The following GPR158 variants were observed in gnomAD, a reference collection of about 807,000 sequenced individuals.
GPR158 encodes metabotropic glycine receptor.
Under a neutral mutation model 78.2 loss-of-function variants are expected in GPR158, and 30 were observed. The ratio of observed to expected loss-of-function variants is 0.38; its 90% CI spans 0.29 to 0.52. The LOEUF (loss-of-function observed/expected upper bound fraction) is 0.52, where lower values mean the gene tolerates loss of function less well. GPR158 is among the 20% of genes least tolerant of loss of function. GPR158 has a pLI of 0.83. For missense variants in GPR158, 1,463 were observed against 1,523.5 expected (o/e 0.96, Z 0.66); for synonymous variants, 581 against 591.1 (o/e 0.98, Z 0.25).
chr10:25,367,508 A>G (rs1855740944), intron 2 of GPR158, among the ~76,000 whole-genome samples: 1 of 151,796 alleles, frequency 6.6e-6, no homozygotes, highest in African/African-American at 2.4e-5. Context: ...TCTATACAAA[A>G]TTTGGGCTTA....
intron 2 of GPR158, among the ~76,000 whole-genome samples, chr10:25,249,462 T>G (rs1483632528): frequency 6.6e-6 from 1 of 151,932 alleles, no homozygotes; most frequent in Non-Finnish European, 1.5e-5. Context: ...CATAGATAGC[T>G]CTTATTATTT....
intron 2 of GPR158, among the ~76,000 whole-genome samples, chr10:25,282,658 T>A (rs1854293216): frequency 6.6e-6 from 1 of 152,106 alleles, no homozygotes; most frequent in African/African-American, 2.4e-5. Flanking sequence ...TAAAATAATG[T>A]TAGTCCGTCT....
intron 1 of GPR158, among the ~76,000 whole-genome samples, chr10:25,189,337 G>A (rs113236968): frequency 0.029 from 4,466 of 152,198 alleles, 223 homozygotes; most frequent in African/African-American, 0.1. Context: ...ATGCACACTT[G>A]TATTTATTGC....
At chr10:25,555,412 CA>C (rs1256358850) in intron 6 of GPR158, among the ~76,000 whole-genome samples, 1 of 152,066 alleles carries the variant, frequency 6.6e-6, no homozygotes, top group Non-Finnish European at 1.5e-5. Context: ...TGTTTATTTA[CA>C]AAAAGGAACT....
chr10:25,433,580 CGTGCGCGT>C (rs1359907320), intron 4 of GPR158, among the ~76,000 whole-genome samples: 13 of 133,774 alleles, frequency 9.7e-5, no homozygotes, highest in African/African-American at 1.6e-4. Flanking sequence ...TGCGCGCGCG[CGTGCGCGT>C]GCGCATATAT....
chr10:25,270,561 G>C (rs1588768026), intron 2 of GPR158, among the ~76,000 whole-genome samples: 1 of 152,174 alleles, frequency 6.6e-6, no homozygotes, highest in Admixed American at 6.5e-5. Flanking sequence ...ACCCCAAACT[G>C]ATCTCACTAA....
Position 25,580,919 on chromosome 10 carries a change from T to TTTA in GPR158, c.1753+8034_1753+8035insATT, listed in dbSNP as rs1554815552. On this transcript the variant is annotated intron_variant, in intron 7 of 10. Coordinates refer to ENST00000376351, the MANE Select transcript of GPR158 (RefSeq NM_020752.3). ...TTTTTTATTTTTTTATTTTATTTTA[T>TTTA]TTTATTTTATTTTTTTGAGACGGAG... Among the ~76,000 whole-genome samples the TTTA allele has an allele frequency of 2.6e-4, 13 of 49,928 alleles. No homozygotes were observed. The African/African-American group carries it at 3.3e-3, about 13-fold the overall frequency. The allele number at this position is 49,928 out of a possible 152,430, so 32.8% of individuals were successfully genotyped here.
At chr10:25,571,093 GCC>G (rs1837000275) in intron 6 of GPR158, among the ~76,000 whole-genome samples, 1 of 89,924 alleles carries the variant, frequency 1.1e-5, no homozygotes, top group South Asian at 4.2e-4. Flanking sequence ...GATATTACCT[GCC>G]AGTGTTAGCG....
Position 25,199,907 on chromosome 10 carries a change from A to G in GPR158, c.903-21145A>G, listed in dbSNP as rs148206652. On this transcript the variant is annotated intron_variant, in intron 1 of 10. Transcript: ENST00000376351. Reference sequence around the variant, plus strand: ...ATATGTATGACATTTTCTTTATCCAATCTACTGTTGATGGGCACTTAGGTT... The same window carrying G: ...ATATGTATGACATTTTCTTTATCCAGTCTACTGTTGATGGGCACTTAGGTT... 6.6e-5 allele frequency among the ~76,000 whole-genome samples: 10 copies of G among 152,184 alleles called. No homozygotes were observed. In the East Asian group the frequency reaches 1.4e-3, roughly 21 times the overall value.
intron 7 of GPR158, among the ~76,000 whole-genome samples, chr10:25,585,614 CT>C (rs773147344): frequency 2.1e-3 from 319 of 152,162 alleles, no homozygotes; most frequent in Middle Eastern, 3.2e-3. Context: ...ATTTTTCCAC[CT>C]GAAATTCTAG....
intron 2 of GPR158, among the ~76,000 whole-genome samples, chr10:25,355,427 T>C (rs1855535751): frequency 6.6e-6 from 1 of 152,100 alleles, no homozygotes; most frequent in African/African-American, 2.4e-5. Flanking sequence ...TTGAATTGCT[T>C]TTCTATGTTT....
intron 2 of GPR158, among the ~76,000 whole-genome samples, chr10:25,330,159 C>T (rs1855098076): frequency 6.6e-6 from 1 of 152,158 alleles, no homozygotes; most frequent in South Asian, 2.1e-4. Flanking sequence ...CTCACTCCCT[C>T]TTTCCTGACA....
chr10:25,279,508 T>TG (rs1228674634), intron 2 of GPR158, among the ~76,000 whole-genome samples: 1 of 150,356 alleles, frequency 6.7e-6, no homozygotes, highest in Non-Finnish European at 1.5e-5. Flanking sequence ...TTTTGTGGGG[T>TG]GGGGGGAGAT....
At chr10:25,264,909 C>G (rs1854022475) in intron 2 of GPR158, among the ~76,000 whole-genome samples, 1 of 152,114 alleles carries the variant, frequency 6.6e-6, no homozygotes, top group Admixed American at 6.6e-5. Flanking sequence ...TTTCTAGAAG[C>G]CTAACTAAAA....
intron 2 of GPR158, among the ~76,000 whole-genome samples, chr10:25,221,595 C>G (rs1050434936): frequency 2.6e-5 from 4 of 152,046 alleles, no homozygotes; most frequent in Admixed American, 1.3e-4. Flanking sequence ...ATTTTGAAAA[C>G]AAGGAGAAAA....
chr10:25,445,647 C>T (rs961455774), intron 4 of GPR158, among the ~76,000 whole-genome samples: 1 of 151,828 alleles, frequency 6.6e-6, no homozygotes, highest in African/African-American at 2.4e-5. Flanking sequence ...GCATGATTCA[C>T]GGCAGCAACA....
intron 4 of GPR158, among the ~76,000 whole-genome samples, chr10:25,451,044 T>A (rs1276936799): frequency 2.6e-5 from 4 of 152,216 alleles, no homozygotes; most frequent in Non-Finnish European, 5.9e-5. Context: ...TTATACTGTT[T>A]CCTATTAATG....
intron 4 of GPR158, among the ~76,000 whole-genome samples, chr10:25,422,850 A>ACC (rs11424448): frequency 0.39 from 51,209 of 129,828 alleles, 11,522 homozygotes; most frequent in Middle Eastern, 0.54. Flanking sequence ...TTATTCCCTT[A>ACC]CCCCCCCCAC....
chr10:25,176,280 C>T lies in GPR158; in HGVS notation c.860C>T (p.Ser287Phe), dbSNP rs375860575. ...YKPGWLVTLS[S>F]AIYGLQPNLV... ...CCCGGGTGGCTGGTTACTCTTTCCTCTGCCATCTACGGGTTGCAGCCTAAC... is the reference window on the plus strand; with the variant it reads ...CCCGGGTGGCTGGTTACTCTTTCCTTTGCCATCTACGGGTTGCAGCCTAAC... Residue 287 changes from serine (S) to phenylalanine (F), a missense_variant, in exon 1 of 11, where the codon TCT becomes TTT. Transcript: ENST00000376351. This position sits in a 1 kb window ranked among gnomAD's most constrained non-coding sequence, Gnocchi z 6.3. 19 of 1,608,468 alleles carry T rather than the reference C, an allele frequency of 1.2e-5. No individual in the cohort carries two copies. Among genetic ancestry groups the T allele is most frequent in the Admixed American group, 1.7e-5 (1 of 59,494 alleles).
Sources: allele counts gnomAD v4.1 joint callset (sites outside exome capture counted in the v4.1 genomes callset), GRCh38; gene constraint gnomAD v4.1.1; non-coding constraint Gnocchi (gnomAD v3.1); transcripts MANE v1.5; gene names NCBI Gene and HGNC (gene_info 2026-07-23, HGNC 2026-07-21).